Variants in EYS observed in about 807,000 individuals in gnomAD.
EYS encodes the protein protein eyes shut homolog.
Under a neutral mutation model 282.1 loss-of-function variants are expected in EYS, and 250 were observed. The ratio of observed to expected loss-of-function variants is 0.89; its 90% confidence interval spans 0.80 to 0.98. EYS has a LOEUF of 0.98. Among genes scored for constraint, EYS ranks in the 50% least tolerant of loss-of-function variants. The pLI is 0.00. For synonymous variants in EYS, 1,355 were observed against 1,282.9 expected, an observed-to-expected ratio of 1.06 and a Z score of -1.20; for missense variants, 4,016 against 3,709.0, an observed-to-expected ratio of 1.08 and a Z score of -2.15.
At chr6:63,852,351 C>A (rs1361001682) in intron 36 of EYS, among the ~76,000 whole-genome samples, 1 of 151,984 alleles carries the variant, frequency 6.6e-6, no homozygotes, top group African/African-American at 2.4e-5. Context: ...ACTATGAACA[C>A]CTCTATGCAA....
intron 12 of EYS, among the ~76,000 whole-genome samples, chr6:65,121,842 A>G (rs544413585): frequency 7.2e-4 from 110 of 152,150 alleles, no homozygotes; most frequent in Admixed American, 1.2e-3. Context: ...AACACAATTT[A>G]CTTAGGTTAT....
intron 13 of EYS, among the ~76,000 whole-genome samples, chr6:65,007,303 C>G (rs956361769): frequency 6.6e-6 from 1 of 152,058 alleles, no homozygotes; most frequent in African/African-American, 2.4e-5. Flanking sequence ...GAAACATTTC[C>G]CCCAAGGCAA....
chr6:65,536,467 C>T (rs1026899196), intron 2 of EYS, among the ~76,000 whole-genome samples: 1 of 151,762 alleles, frequency 6.6e-6, no homozygotes, highest in Admixed American at 6.6e-5. Flanking sequence ...TTATGTTTCA[C>T]AACATGGAGG....
rs963110962 is a variant in EYS, at chr6:65,016,767, A to G, written c.2138-19064T>C. On this transcript the variant is annotated intron_variant, in intron 13 of 42. Transcript: ENST00000503581. ...GCAGGAAAACAGTTCTTTATGGAGC[A>G]TACCTCAACATATTAAAGATAAGTC... 2.0e-5 allele frequency among the ~76,000 whole-genome samples: 3 copies of G among 152,302 alleles called. No homozygotes were observed. In the South Asian group the frequency reaches 6.2e-4, roughly 32 times the overall value.
intron 13 of EYS, among the ~76,000 whole-genome samples, chr6:65,020,360 A>T (rs141270646): frequency 6.6e-6 from 1 of 152,172 alleles, no homozygotes; most frequent in South Asian, 2.1e-4. Context: ...GGGAGAAATT[A>T]ACCAAAACAT....
intron 31 of EYS, among the ~76,000 whole-genome samples, chr6:64,126,202 G>A (rs1773780374): frequency 6.6e-6 from 1 of 151,912 alleles, no homozygotes; most frequent in African/African-American, 2.4e-5. Context: ...TCCCATTACT[G>A]GGTATATACC....
intron 30 of EYS, among the ~76,000 whole-genome samples, chr6:64,284,597 A>G (rs1768429638): frequency 6.6e-6 from 1 of 152,032 alleles, no homozygotes; most frequent in Non-Finnish European, 1.5e-5. Context: ...CTCCAACCCC[A>G]CATTTCCCTT....
At chr6:64,109,684 C>T (rs1773143926) in intron 31 of EYS, among the ~76,000 whole-genome samples, 1 of 151,996 alleles carries the variant, frequency 6.6e-6, no homozygotes, top group Admixed American at 6.6e-5. Flanking sequence ...CAGATATAAA[C>T]CTAAAAAGGT....
chr6:64,859,347 AT>A (rs1327385480), intron 19 of EYS, among the ~76,000 whole-genome samples: 1 of 151,388 alleles, frequency 6.6e-6, no homozygotes, highest in East Asian at 1.9e-4. Context: ...AGTAGCATCA[AT>A]AAAAATATTA....
At chr6:64,714,536 T>G (rs1203327954) in intron 22 of EYS, among the ~76,000 whole-genome samples, 1 of 147,776 alleles carries the variant, frequency 6.8e-6, no homozygotes, top group African/African-American at 2.5e-5. Context: ...TTTTTTTTTT[T>G]TTTTTTTGAG....
At chr6:64,111,856 T>C (rs1318019989) in intron 31 of EYS, among the ~76,000 whole-genome samples, 4 of 151,996 alleles carry the variant, frequency 2.6e-5, no homozygotes, top group African/African-American at 9.7e-5. Flanking sequence ...GAAAGAAATA[T>C]ATTATGGAAG....
intron 28 of EYS, among the ~76,000 whole-genome samples, chr6:64,408,344 A>G (rs1284272172): frequency 1.3e-5 from 2 of 152,178 alleles, no homozygotes; most frequent in Non-Finnish European, 2.9e-5. Context: ...AAGTCACACT[A>G]TGCAACTCAG....
intron 1 of EYS, among the ~76,000 whole-genome samples, chr6:65,667,375 T>A (rs1050002006): frequency 6.6e-6 from 1 of 151,900 alleles, no homozygotes; most frequent in African/African-American, 2.4e-5. Context: ...CTTTCTCACT[T>A]ATTTGGCTTC....
At chr6:63,840,970 T>C (rs1454319106) in intron 36 of EYS, among the ~76,000 whole-genome samples, 1 of 152,216 alleles carries the variant, frequency 6.6e-6, no homozygotes, top group Admixed American at 6.5e-5. Context: ...TCAGCTTTGT[T>C]CTATTTCTCA....
At chr6:65,057,520 G>C in intron 13 of EYS, 94 bp downstream of exon 13, 1 of 785,432 alleles carries the variant, frequency 1.3e-6, no homozygotes, top group Admixed American at 2.1e-5. Flanking sequence ...GACTAATAAT[G>C]TTGTTGGAAG....
chr6:65,604,998 C>G (rs1349895154), intron 2 of EYS, among the ~76,000 whole-genome samples: 1 of 148,100 alleles, frequency 6.8e-6, no homozygotes, highest in Non-Finnish European at 1.5e-5. Flanking sequence ...TATGGCCGAC[C>G]ATGCCCAGCT....
chr6:65,666,171 C>T (rs888963717), intron 1 of EYS, among the ~76,000 whole-genome samples: 2 of 151,380 alleles, frequency 1.3e-5, no homozygotes, highest in Non-Finnish European at 3.0e-5. Context: ...TTCCATCATA[C>T]TGAACCAGAA....
intron 11 of EYS, among the ~76,000 whole-genome samples, chr6:65,302,236 T>C (rs564933635): frequency 3.9e-4 from 60 of 152,098 alleles, no homozygotes; most frequent in African/African-American, 1.3e-3. Context: ...GGCTGAGAGG[T>C]TTTCTTGGCA....
intron 1 of EYS, among the ~76,000 whole-genome samples, chr6:65,648,406 C>G (rs537326012): frequency 6.6e-6 from 1 of 151,156 alleles, no homozygotes; most frequent in South Asian, 2.1e-4. Context: ...GTATTTGCAG[C>G]AACCTGGATG....
Sources: allele counts gnomAD v4.1 joint callset (sites outside exome capture counted in the v4.1 genomes callset), GRCh38; gene constraint gnomAD v4.1.1; transcripts MANE v1.5; gene names NCBI Gene and HGNC (gene_info 2026-07-23, HGNC 2026-07-21).